The following TRAF2 variants were observed in gnomAD, a reference collection of about 807,000 sequenced individuals.
TRAF2 encodes TNF receptor associated factor 2.
A neutral mutation model predicts 55.6 loss-of-function variants in TRAF2; 6 were observed. The observed-to-expected ratio is 0.11, with a 90% confidence interval of 0.06 to 0.21. TRAF2 has a LOEUF of 0.21. Among genes scored for constraint, TRAF2 ranks in the 10% least tolerant of loss-of-function variants. The pLI, the probability that TRAF2 is intolerant of heterozygous loss-of-function variation, is 1.00. For missense variants in TRAF2, 561 were observed against 684.5 expected, an observed-to-expected ratio of 0.82 and a Z score of 2.01; for synonymous variants, 329 against 276.3, an observed-to-expected ratio of 1.19 and a Z score of -1.89.
chr9:136,892,442 C>T (rs1040903030), intron 1 of TRAF2, among the ~76,000 whole-genome samples: 1 of 151,820 alleles, frequency 6.6e-6, no homozygotes, highest in Non-Finnish European at 1.5e-5. Context: ...CCCGCCTGGG[C>T]GACAGAGCGA....
intron 10 of TRAF2, among the ~76,000 whole-genome samples, chr9:136,924,878 A>G (rs932611320): frequency 9.9e-5 from 15 of 151,998 alleles, no homozygotes; most frequent in Admixed American, 1.3e-4. Context: ...AGCTGGGACT[A>G]CAGGCATGCA....
chr9:136,923,892 T>A lies in TRAF2; in HGVS notation c.1179T>A (p.Arg393=). ...TSRYGYKMCL[R]IYLNGDGTGR... ...GGTACGGCTACAAGATGTGTCTGCGTATCTACCTGAACGGCGACGGCACCG... is the reference window on the plus strand; with the variant it reads ...GGTACGGCTACAAGATGTGTCTGCGAATCTACCTGAACGGCGACGGCACCG... Residue 393 remains arginine (R), a synonymous_variant, in exon 10 of 11, where the codon CGT becomes CGA. Coordinates refer to ENST00000247668, the MANE Select transcript of TRAF2 (RefSeq NM_021138.4). 1.2e-6 allele frequency: 2 copies of A among 1,613,866 alleles called. No individual in the cohort carries two copies. The highest frequency in any genetic ancestry group is 1.7e-6 in the Non-Finnish European group (2 of 1,179,958).
intron 6 of TRAF2, among the ~76,000 whole-genome samples, chr9:136,916,196 T>C (rs1850236946): frequency 6.6e-6 from 1 of 152,122 alleles, no homozygotes; most frequent in Admixed American, 6.6e-5. Context: ...GGGCGTTTGA[T>C]TCTGGGTTTT....
chr9:136,909,558 C>G (rs1303583598), intron 5 of TRAF2, among the ~76,000 whole-genome samples: 1 of 152,204 alleles, frequency 6.6e-6, no homozygotes, highest in Non-Finnish European at 1.5e-5. Context: ...GGAGACGTCC[C>G]GCATGCCGCC....
chr9:136,884,358 G>A (rs377757029), upstream of TRAF2, among the ~76,000 whole-genome samples: 6 of 151,840 alleles, frequency 4.0e-5, no homozygotes, highest in Non-Finnish European at 8.8e-5. Flanking sequence ...AGGAGTTCGA[G>A]ACCAGCCTGA....
chr9:136,904,780 G>GAATAGTTGCTTCATAAAACCCAT (rs11272754), intron 4 of TRAF2, among the ~76,000 whole-genome samples: 1 of 151,762 alleles, frequency 6.6e-6, no homozygotes, highest in Admixed American at 6.6e-5. Flanking sequence ...TCATAAGCCA[G>GAATAGTTGCTTCATAAAACCCAT]AATAGTTGCT....
At chr9:136,918,653 G>A (rs1286910745) in intron 7 of TRAF2, among the ~76,000 whole-genome samples, 13 of 152,112 alleles carry the variant, frequency 8.5e-5, no homozygotes, top group Admixed American at 8.5e-4. Context: ...ATAAAATGAG[G>A]TATGTTTAAG....
chr9:136,906,106 AAAAC>A (rs1296996563), intron 4 of TRAF2, among the ~76,000 whole-genome samples: 7 of 152,106 alleles, frequency 4.6e-5, no homozygotes, highest in Admixed American at 1.3e-4. Flanking sequence ...TCTCAAAACA[AAAAC>A]AAAAAACCAA....
chr9:136,899,042 A>G, intron 2 of TRAF2, 114 bp downstream of exon 2: 1 of 998,388 alleles, frequency 1.0e-6, no homozygotes, highest in Non-Finnish European at 1.4e-6. Flanking sequence ...GATGTGCTCC[A>G]GTTATCGATA....
chr9:136,882,551 C>G (rs1189648352), upstream of TRAF2: 9 of 485,316 alleles, frequency 1.9e-5, no homozygotes, highest in South Asian at 1.8e-4. Flanking sequence ...TCCTGCAACC[C>G]CCATCCTCAG....
chr9:136,911,436 G>A (rs1199779027), intron 6 of TRAF2, among the ~76,000 whole-genome samples: 3 of 151,924 alleles, frequency 2.0e-5, no homozygotes, highest in Non-Finnish European at 4.4e-5. Context: ...AGCTAATTTT[G>A]TATTTTCAGT....
chr9:136,908,722 T>A (rs1293756409), intron 5 of TRAF2, among the ~76,000 whole-genome samples: 1 of 151,830 alleles, frequency 6.6e-6, no homozygotes, highest in East Asian at 1.9e-4. Flanking sequence ...AAAACAAAAT[T>A]AGCTGGGCAT....
At chr9:136,896,343 G>A (rs1317568437) in intron 1 of TRAF2, among the ~76,000 whole-genome samples, 2 of 152,252 alleles carry the variant, frequency 1.3e-5, no homozygotes, top group African/African-American at 2.4e-5. Flanking sequence ...AGGCTGTTGC[G>A]AAGGAGCAGT....
Position 136,923,865 on chromosome 9 carries a change from C to T in TRAF2, c.1152C>T (p.Ser384=). 1 of 1,613,646 alleles carries T rather than the reference C, an allele frequency of 6.2e-7. No homozygotes were observed. The highest frequency in any genetic ancestry group is 8.5e-7 in the Non-Finnish European group (1 of 1,179,876). The change falls in exon 10 of 11, where the codon AGC becomes AGT. Residue 384 remains serine, a synonymous_variant. Transcript: ENST00000247668. ...CTGCCTCCCCAGCCTTCTACACCAGCAGGTACGGCTACAAGATGTGTCTGC... is the reference window on the plus strand; with the variant it reads ...CTGCCTCCCCAGCCTTCTACACCAGTAGGTACGGCTACAAGATGTGTCTGC... ...PAIFSPAFYT[S]RYGYKMCLRI...
intron 4 of TRAF2, among the ~76,000 whole-genome samples, chr9:136,903,772 C>T (rs561297252): frequency 1.3e-5 from 2 of 152,214 alleles, no homozygotes; most frequent in Non-Finnish European, 2.9e-5. Context: ...AGCTCCGCCT[C>T]CCGGGTTCAC....
Position 136,893,895 on chromosome 9 carries a change from G to A in TRAF2, c.-28-4818G>A, listed in dbSNP as rs1054095963. Among the ~76,000 whole-genome samples, 6 of 148,992 alleles carry A rather than the reference G, an allele frequency of 4.0e-5. No individual in the cohort carries two copies. The South Asian group carries it at 8.6e-4, about 21-fold the overall frequency. ...CTCCTGAGTAGCTGGGATTACAGGC[G>A]TGCACCACCACGCCCGGCTAATTTT... On this transcript the variant is annotated intron_variant, in intron 1 of 10. Transcript: ENST00000247668.
intron 9 of TRAF2, 107 bp downstream of exon 9, chr9:136,921,322 A>G: frequency 2.1e-6 from 3 of 1,399,214 alleles, no homozygotes. Flanking sequence ...GGGCTGGGAT[A>G]CGACCCCCAG....
At chr9:136,898,998 C>A in intron 2 of TRAF2, 70 bp downstream of exon 2, 2 of 1,473,496 alleles carry the variant, frequency 1.4e-6, no homozygotes, top group South Asian at 1.2e-5. Flanking sequence ...CGCTGCCCAG[C>A]CTGGTAGCTC....
chr9:136,903,939 C>T (rs533180321), intron 4 of TRAF2, among the ~76,000 whole-genome samples: 11 of 152,344 alleles, frequency 7.2e-5, no homozygotes, highest in African/African-American at 2.6e-4. Context: ...GCCTCGGCCT[C>T]CCAAAGTGCT....
Sources: gnomAD v4.1 joint callset for allele counts (sites outside exome capture counted in the v4.1 genomes callset) on GRCh38, gnomAD v4.1.1 for gene constraint, MANE v1.5 for transcripts, NCBI Gene and HGNC (gene_info 2026-07-23, HGNC 2026-07-21) for gene names.